ZNF462: variants seen among roughly 807,000 people sequenced by gnomAD.
The protein encoded by ZNF462 is zinc finger protein 462.
In ZNF462, 10 loss-of-function variants were observed where a neutral mutation model predicts 201.9. That is an observed-to-expected ratio of 0.05 (90% CI 0.03 to 0.08). ZNF462 has a LOEUF of 0.08. Among genes scored for constraint, ZNF462 ranks in the 10% least tolerant of loss-of-function variants. The pLI, the probability that ZNF462 is intolerant of heterozygous loss-of-function variation, is 1.00. For synonymous variants in ZNF462, 1,227 were observed against 1,193.3 expected (o/e 1.03, Z -0.58); for missense variants, 2,523 against 3,168.3 (o/e 0.80, Z 4.89).
chr9:106,988,574 G>A (rs557442071), intron 10 of ZNF462, among the ~76,000 whole-genome samples: 4 of 152,256 alleles, frequency 2.6e-5, no homozygotes, highest in Admixed American at 1.3e-4. Flanking sequence ...ATTCTGTGAA[G>A]CATGATGGTG....
intron 1 of ZNF462, among the ~76,000 whole-genome samples, chr9:106,918,531 A>G (rs1414303245): frequency 2.0e-5 from 3 of 152,242 alleles, no homozygotes; most frequent in Non-Finnish European, 4.4e-5. Flanking sequence ...CACTTCAGCC[A>G]TAACAAGTGT....
chr9:106,971,924 A>G, intron 7 of ZNF462, 81 bp from the exon 8 acceptor site: 1 of 1,512,106 alleles, frequency 6.6e-7, no homozygotes, highest in Non-Finnish European at 8.9e-7. Flanking sequence ...GGTAAAAAGA[A>G]ACCTGATGTC....
At chr9:106,912,049 C>T (rs192339786) in intron 1 of ZNF462, among the ~76,000 whole-genome samples, 1 of 152,260 alleles carries the variant, frequency 6.6e-6, no homozygotes, top group East Asian at 1.9e-4. Context: ...GCTTTTTTGA[C>T]AGACATTCGT....
In ZNF462 at chr9:106,915,480, T is replaced by C. The variant is rs1182515952; in HGVS notation, c.-30-7874T>C. On this transcript the variant is annotated intron_variant, in intron 1 of 12. Coordinates refer to ENST00000277225, the MANE Select transcript of ZNF462 (RefSeq NM_021224.6). Reference sequence around the variant, plus strand: ...TGGGGATTGCAAGAGAAAAGAAATTTCTTAGCTTTCATTTTTAGAACATTT... The same window carrying C: ...TGGGGATTGCAAGAGAAAAGAAATTCCTTAGCTTTCATTTTTAGAACATTT... Among the ~76,000 whole-genome samples the C allele has an allele frequency of 2.6e-5, 4 of 152,350 alleles. No homozygotes were observed. In the South Asian group the frequency reaches 8.3e-4, roughly 32 times the overall value.
At chr9:106,899,513 A>T (rs1295764717) in intron 1 of ZNF462, among the ~76,000 whole-genome samples, 1 of 151,928 alleles carries the variant, frequency 6.6e-6, no homozygotes, top group Non-Finnish European at 1.5e-5. Flanking sequence ...AGGAAGGGAA[A>T]CCCTGAGAGA....
In ZNF462 at chr9:106,872,036, T is replaced by C. The variant is rs990585855; in HGVS notation, c.-31+8681T>C. On this transcript the variant is annotated intron_variant, in intron 1 of 12. Coordinates refer to ENST00000277225, the MANE Select transcript of ZNF462 (RefSeq NM_021224.6). The surrounding 1 kb of genome is among the most constrained non-coding windows in gnomAD (Gnocchi z 4.5). ...TCCTTCCAGTCCCAGCATTTTAAAATCCAAAATAAGGCCACTGTGGTCCAG... is the reference window on the plus strand; with the variant it reads ...TCCTTCCAGTCCCAGCATTTTAAAACCCAAAATAAGGCCACTGTGGTCCAG... Among the ~76,000 whole-genome samples the C allele has an allele frequency of 6.6e-6, 1 of 152,152 alleles. No individual in the cohort carries two copies. Among genetic ancestry groups the C allele is most frequent in the African/African-American group, 2.4e-5 (1 of 41,438 alleles).
intron 7 of ZNF462, among the ~76,000 whole-genome samples, chr9:106,967,088 C>G (rs551814600): frequency 1.3e-5 from 2 of 152,254 alleles, no homozygotes; most frequent in Admixed American, 6.5e-5. Context: ...CTTAAACTTA[C>G]AATAGCTGAA....
chr9:106,885,623 C>T lies in ZNF462; in HGVS notation c.-31+22268C>T, dbSNP rs1191108879. Among the ~76,000 whole-genome samples the T allele has an allele frequency of 1.3e-5, 2 of 152,186 alleles. No individual in the cohort carries two copies. The highest frequency in any genetic ancestry group is 2.9e-5 in the Non-Finnish European group (2 of 68,032). On this transcript the variant is annotated intron_variant, in intron 1 of 12. Transcript: ENST00000277225. This position sits in a 1 kb window ranked among gnomAD's most constrained non-coding sequence, Gnocchi z 4.1. ...AGCTGAACATGTGATCTTGTTAACC[C>T]TGAGATGTTGCTGAAAAGTGACTCA...
rs1829882660 is a variant in ZNF462 at position 107,010,677 on chromosome 9, C to T, written c.7314-146C>T. 5.8e-6 allele frequency: 4 copies of T among 688,052 alleles called. No individual in the cohort carries two copies. The highest frequency in any genetic ancestry group is 4.7e-6 in the Non-Finnish European group (2 of 427,304). The allele number at this position is 688,052 out of a possible 1,614,324, so 42.6% of individuals were successfully genotyped here. On this transcript the variant is annotated intron_variant, in intron 12 of 12. Transcript: ENST00000277225. This position sits in a 1 kb window ranked among gnomAD's most constrained non-coding sequence, Gnocchi z 4.6. ...ATGCATCACTTGGTATTTTGTCATA[C>T]ACCCATGGCATTTGTTCAAAGGAAA...
At chr9:106,894,728 C>T (rs374978454) in intron 1 of ZNF462, among the ~76,000 whole-genome samples, 175 of 152,282 alleles carry the variant, frequency 1.1e-3, no homozygotes, top group African/African-American at 4.1e-3. Context: ...GCCCTTGAAA[C>T]AGTGCCTGAT....
At chr9:106,861,520 AAT>A (rs1488768348), upstream of ZNF462, among the ~76,000 whole-genome samples, 4 of 152,206 alleles carry the variant, frequency 2.6e-5, no homozygotes, top group Admixed American at 6.5e-5. Flanking sequence ...AAGAAACTTT[AAT>A]TAAGGTCTCT....
chr9:106,932,341 CG>C lies in ZNF462; in HGVS notation c.6013-102del, dbSNP rs746046398. 1 of 1,571,198 alleles carries C rather than the reference CG, an allele frequency of 6.4e-7. No homozygotes were observed. Among genetic ancestry groups the C allele is most frequent in the Non-Finnish European group, 8.6e-7 (1 of 1,157,878 alleles). ...AGACGCCAGTGGCGCCCTGGTGGGC[CG>C]GGTGGATGGTGAACACTGCTTGCTT... On this transcript the variant is annotated intron_variant, in intron 4 of 12. Transcript: ENST00000277225. This position sits in a 1 kb window ranked among gnomAD's most constrained non-coding sequence, Gnocchi z 6.8.
intron 11 of ZNF462, among the ~76,000 whole-genome samples, chr9:107,004,267 T>C (rs988216757): frequency 1.3e-5 from 2 of 152,194 alleles, no homozygotes; most frequent in African/African-American, 4.8e-5. Flanking sequence ...ATTGCAGATA[T>C]TGACCCAGAG....
rs187620570 is a variant in ZNF462 at position 106,933,191 on chromosome 9, T to G, written c.6116+642T>G. 2.0e-4 allele frequency: 31 copies of G among 155,186 alleles called. No individual in the cohort carries two copies. Among genetic ancestry groups the G allele is most frequent in the Admixed American group, 1.8e-3 (29 of 16,046 alleles). 9.6% of individuals were successfully genotyped at this position (155,186 alleles called of 1,614,324 possible). On this transcript the variant is annotated intron_variant, in intron 5 of 12. Transcript: ENST00000277225. The surrounding 1 kb of genome is among the most constrained non-coding windows in gnomAD (Gnocchi z 4.3). ...CTCTTTCAGCCGTGTAAAAGAGAGA[T>G]AAATATTCAATAATGCGTTTGGACA...
intron 10 of ZNF462, among the ~76,000 whole-genome samples, chr9:106,986,664 T>C (rs1339055189): frequency 6.6e-6 from 1 of 152,154 alleles, no homozygotes; most frequent in Non-Finnish European, 1.5e-5. Flanking sequence ...GGCATTTGGT[T>C]ACATGAGTAA....
At chr9:106,867,416 C>T (rs535940546) in intron 1 of ZNF462, among the ~76,000 whole-genome samples, 1 of 152,168 alleles carries the variant, frequency 6.6e-6, no homozygotes, top group Admixed American at 6.5e-5. Context: ...GAAATATTTG[C>T]GAGCTATGAT....
rs192570679 is a variant in ZNF462, at chr9:106,935,202, C to G, written c.6117-301C>G. 1.7e-4 allele frequency among the ~76,000 whole-genome samples: 26 copies of G among 152,294 alleles called. No individual in the cohort carries two copies. Among genetic ancestry groups the G allele is most frequent in the African/African-American group, 5.1e-4 (21 of 41,558 alleles). On this transcript the variant is annotated intron_variant, in intron 5 of 12. Coordinates refer to ENST00000277225, the MANE Select transcript of ZNF462 (RefSeq NM_021224.6). This position sits in a 1 kb window ranked among gnomAD's most constrained non-coding sequence, Gnocchi z 4.1. ...ATATTGTACCTTCTCTTTAGATACA[C>G]TCTTCCAATGATCAGAGCTCTAAGA...
In ZNF462 at chr9:107,008,307, ATCT is replaced by A. The variant is rs1327871018; in HGVS notation, c.7190-1233_7190-1231del. Among the ~76,000 whole-genome samples the A allele has an allele frequency of 1.3e-5, 2 of 152,152 alleles. No individual in the cohort carries two copies. The highest frequency in any genetic ancestry group is 2.9e-5 in the Non-Finnish European group (2 of 68,012). On this transcript the variant is annotated intron_variant, in intron 11 of 12. Coordinates refer to ENST00000277225, the MANE Select transcript of ZNF462 (RefSeq NM_021224.6). This position sits in a 1 kb window ranked among gnomAD's most constrained non-coding sequence, Gnocchi z 4.8. ...ATTATTTTTAATGGCTTGTGTGGTG[ATCT>A]TCTTAATTTGTGAGAAAATGTTTCA...
chr9:106,999,086 C>T (rs185586699), intron 10 of ZNF462, among the ~76,000 whole-genome samples: 15 of 152,266 alleles, frequency 9.9e-5, no homozygotes, highest in Non-Finnish European at 2.9e-5. Context: ...AGAACATATA[C>T]GGCTTCTTTT....
Sources: allele counts gnomAD v4.1 joint callset (sites outside exome capture counted in the v4.1 genomes callset), GRCh38; gene constraint gnomAD v4.1.1; non-coding constraint Gnocchi (gnomAD v3.1); transcripts MANE v1.5; gene names NCBI Gene and HGNC (gene_info 2026-07-23, HGNC 2026-07-21).